The following RORA variants were observed in gnomAD, a reference collection of about 807,000 sequenced individuals.
RORA encodes the protein nuclear receptor ROR-alpha.
Under a neutral mutation model 69.5 loss-of-function variants are expected in RORA, and 7 were observed. The observed-to-expected ratio is 0.10, with a 90% CI of 0.06 to 0.19. RORA has a LOEUF of 0.19. RORA is among the 10% of genes least tolerant of loss of function. The pLI is 1.00. For missense variants in RORA, 457 were observed against 663.0 expected, an observed-to-expected ratio of 0.69 and a Z score of 3.41; for synonymous variants, 261 against 240.8, an observed-to-expected ratio of 1.08 and a Z score of -0.78.
At chr15:60,889,700 C>G (rs1479087702) in intron 1 of RORA, among the ~76,000 whole-genome samples, 1 of 152,204 alleles carries the variant, frequency 6.6e-6, no homozygotes, top group African/African-American at 2.4e-5. Flanking sequence ...CACAATCCCC[C>G]AAGTTAAAAT....
intron 1 of RORA, among the ~76,000 whole-genome samples, chr15:61,078,789 A>G (rs1162284223): frequency 6.6e-6 from 1 of 152,008 alleles, no homozygotes; most frequent in Non-Finnish European, 1.5e-5. Flanking sequence ...CTATCTATCC[A>G]TCCACCCACC....
intron 1 of RORA, among the ~76,000 whole-genome samples, chr15:60,740,256 C>T (rs752292343): frequency 6.6e-6 from 1 of 151,070 alleles, no homozygotes; most frequent in Non-Finnish European, 1.5e-5. Flanking sequence ...AGTTCGTTAC[C>T]CCCCGCACTT....
chr15:60,562,433 G>GC (rs907742465), intron 2 of RORA, among the ~76,000 whole-genome samples: 23 of 148,032 alleles, frequency 1.6e-4, no homozygotes, highest in African/African-American at 5.0e-4. Context: ...GGCGGGGTTG[G>GC]GGGGGGGTTG....
rs934744423 is a variant in RORA at position 61,194,084 on chromosome 15, A to C, written c.166+34969T>G. On this transcript the variant is annotated intron_variant, in intron 1 of 10. Transcript: ENST00000335670. ...GCCCGTGGGAAGCGCACGAAGTCCAACGTGAATCAACGATAGCACTAATGA... is the reference window on the plus strand; with the variant it reads ...GCCCGTGGGAAGCGCACGAAGTCCACCGTGAATCAACGATAGCACTAATGA... 2.0e-5 allele frequency: 3 copies of C among 152,310 alleles called. 1 individual carries two copies. The South Asian group carries it at 6.2e-4, about 32-fold the overall frequency. 9.4% of individuals were successfully genotyped at this position (152,310 alleles called of 1,614,324 possible). A position where few individuals can be genotyped will look rare whatever the true frequency, so the allele number is the denominator to read the frequency against.
At position 61,229,249 on chromosome 15, in the gene RORA, T is replaced by C; in HGVS notation, c.-31A>G. ...TTCCCAATGTAGAGATCGCTGGAGATGGCGAGCTCCGAGACTCCCTCTATC... is the reference window on the plus strand; with the variant it reads ...TTCCCAATGTAGAGATCGCTGGAGACGGCGAGCTCCGAGACTCCCTCTATC... On this transcript the variant is annotated 5_prime_UTR_variant, in exon 1 of 11. Transcript: ENST00000335670. The C allele has an allele frequency of 1.6e-6, 2 of 1,248,106 alleles. No individual in the cohort carries two copies. Among genetic ancestry groups the C allele is most frequent in the South Asian group, 1.5e-5 (1 of 66,964 alleles). 77.3% of individuals were successfully genotyped at this position (1,248,106 alleles called of 1,614,324 possible).
chr15:60,891,309 T>G (rs1398139038), intron 1 of RORA, among the ~76,000 whole-genome samples: 1 of 152,190 alleles, frequency 6.6e-6, no homozygotes, highest in Non-Finnish European at 1.5e-5. Context: ...GTGTGCACAT[T>G]GTGTGTGTGC....
intron 2 of RORA, among the ~76,000 whole-genome samples, chr15:60,624,801 G>A (rs1285975849): frequency 1.3e-5 from 2 of 152,004 alleles, no homozygotes; most frequent in Non-Finnish European, 2.9e-5. Flanking sequence ...AGAGGGCCAA[G>A]GGAACAATGA....
intron 1 of RORA, among the ~76,000 whole-genome samples, chr15:61,046,142 CAT>C (rs1398674406): frequency 7.9e-5 from 12 of 152,096 alleles, no homozygotes; most frequent in Non-Finnish European, 1.3e-4. Flanking sequence ...CCAGAAGCTA[CAT>C]GTGTGCATGG....
intron 1 of RORA, among the ~76,000 whole-genome samples, chr15:61,102,759 A>AT (rs1160862437): frequency 1.3e-5 from 2 of 152,144 alleles, no homozygotes; most frequent in African/African-American, 4.8e-5. Context: ...TTCTTTCTTT[A>AT]ACATACAACA....
chr15:61,092,267 G>T (rs2140716120), intron 1 of RORA, among the ~76,000 whole-genome samples: 1 of 152,248 alleles, frequency 6.6e-6, no homozygotes, highest in African/African-American at 2.4e-5. Flanking sequence ...CTTAAAGGCT[G>T]GCAGTATGTT....
intron 1 of RORA, among the ~76,000 whole-genome samples, chr15:61,005,887 A>G (rs1342387389): frequency 6.6e-6 from 1 of 152,170 alleles, no homozygotes; most frequent in African/African-American, 2.4e-5. Context: ...ATGAATACAG[A>G]TACTCTGAAA....
chr15:60,911,069 A>AT lies in RORA; in HGVS notation c.167-232384dup, dbSNP rs528370848. ...AGGCGCCCACCACCATGCCCAGCTA[A>AT]TTTTTTTTTTTTTTTTTTTTTTTTT... On this transcript the variant is annotated intron_variant, in intron 1 of 10. Transcript: ENST00000335670. Among the ~76,000 whole-genome samples, 48 of 89,666 alleles carry AT rather than the reference A, an allele frequency of 5.4e-4. 2 individuals carry two copies. The highest frequency in any genetic ancestry group is 5.0e-4 in the Non-Finnish European group (23 of 46,092). The allele number at this position is 89,666 out of a possible 152,430, so 58.8% of individuals were successfully genotyped here.
chr15:61,078,766 G>GCTAT (rs148557298), intron 1 of RORA, among the ~76,000 whole-genome samples: 132,344 of 150,274 alleles, frequency 0.88, 58,367 homozygotes, highest in East Asian at 0.92. Context: ...GGAGGGTATG[G>GCTAT]CTATCTATCT....
rs193041978 is a variant in RORA at position 60,503,250 on chromosome 15, C to T, written c.1075+285G>A. 1.4e-3 allele frequency among the ~76,000 whole-genome samples: 218 copies of T among 152,164 alleles called. 1 individual carries two copies. Among genetic ancestry groups the T allele is most frequent in the South Asian group, 0.014 (68 of 4,816 alleles). On this transcript the variant is annotated intron_variant, in intron 7 of 10. Transcript: ENST00000335670. ...TTTCTTCTTCCTAACATCATAAACT[C>T]GGAGGACTTGGAGTGTAGAAACAAA...
chr15:60,879,913 C>T (rs1483627339), intron 1 of RORA, among the ~76,000 whole-genome samples: 1 of 152,212 alleles, frequency 6.6e-6, no homozygotes, highest in Non-Finnish European at 1.5e-5. Context: ...TAAAAGCACA[C>T]ATACAAGCCA....
At chr15:60,499,867 C>A in intron 10 of RORA, 25 bp downstream of exon 10, 1 of 1,365,726 alleles carries the variant, frequency 7.3e-7, no homozygotes, top group South Asian at 1.2e-5. Flanking sequence ...TCAGGCCATG[C>A]CAACTAGAAG....
intron 1 of RORA, among the ~76,000 whole-genome samples, chr15:60,747,044 G>C (rs977312269): frequency 1.3e-5 from 2 of 152,106 alleles, no homozygotes; most frequent in African/African-American, 4.8e-5. Context: ...CTCCCCTTTT[G>C]TTCCTCTTAA....
chr15:60,600,927 T>C (rs1596040931), intron 2 of RORA: 2 of 152,208 alleles, frequency 1.3e-5, no homozygotes, highest in Admixed American at 6.5e-5. Flanking sequence ...AATCATTTCA[T>C]TTATGGAAAA....
intron 1 of RORA, among the ~76,000 whole-genome samples, chr15:61,082,547 C>G (rs1376077240): frequency 6.6e-6 from 1 of 152,114 alleles, no homozygotes; most frequent in Non-Finnish European, 1.5e-5. Context: ...GGATGCAAAA[C>G]CTGCCCCTAC....
Sources: allele counts gnomAD v4.1 joint callset (sites outside exome capture counted in the v4.1 genomes callset), GRCh38; gene constraint gnomAD v4.1.1; transcripts MANE v1.5; gene names NCBI Gene and HGNC (gene_info 2026-07-23, HGNC 2026-07-21).